WFDC13: variants seen among roughly 807,000 people sequenced by gnomAD.
WFDC13 encodes WAP four-disulfide core domain protein 13.
A neutral mutation model predicts 10.9 loss-of-function variants in WFDC13; 6 were observed. The observed-to-expected ratio is 0.55, with a 90% CI of 0.30 to 1.09. The LOEUF is 1.09. WFDC13 is among the 50% of genes least tolerant of loss of function. The probability of loss-of-function intolerance (pLI) is 0.06; values close to 1 mark genes in which losing one functional copy is unlikely to be tolerated. For missense variants in WFDC13, 104 were observed against 109.6 expected (o/e 0.95, Z 0.23); for synonymous variants, 38 against 39.5 (o/e 0.96, Z 0.14).
chr20:45,705,901 A>G lies in WFDC13; in HGVS notation c.278A>G (p.Asn93Ser), dbSNP rs767912342. 6 of 1,614,080 alleles carry G rather than the reference A, an allele frequency of 3.7e-6. No individual in the cohort carries two copies. The highest frequency in any genetic ancestry group is 5.1e-6 in the Non-Finnish European group (6 of 1,179,986). The part of the protein sequence containing the change: ...HKGSEVIMPA[N>S] ...GGCTCAGAAGTCATCATGCCTGCCA[A>G]CTGAGGCATATTTCCTAGATCATTT... is the stretch of plus-strand genomic sequence containing the variant. The change falls in exon 3 of 4, where the codon AAC becomes AGC. Residue 93 changes from asparagine to serine, a missense_variant. Physicochemically the swap from Asn to Ser is conservative, Grantham distance 46. Coordinates refer to ENST00000305479, the MANE Select transcript of WFDC13 (RefSeq NM_172005.2).
intron 2 of WFDC13, chr20:45,705,020 G>A: frequency 1.9e-6 from 3 of 1,610,152 alleles, no homozygotes; most frequent in African/African-American, 1.3e-5. Context: ...CTTGGGCTCT[G>A]GAGATCCAGC....
chr20:45,702,276 T>C, intron 1 of WFDC13, 65 bp downstream of exon 1: 2 of 1,488,122 alleles, frequency 1.3e-6, no homozygotes, highest in Non-Finnish European at 1.8e-6. Flanking sequence ...ATCTGAGGGC[T>C]GACAGTCTGT....
intron 2 of WFDC13, 44 bp downstream of exon 2, chr20:45,704,638 TG>T: frequency 6.2e-7 from 1 of 1,604,798 alleles, no homozygotes; most frequent in Non-Finnish European, 8.5e-7. Context: ...GAGCTGCTGG[TG>T]GGAGCCCAGC....
rs756967594 is a variant in WFDC13, at chr20:45,702,087, C to T, written c.-37C>T. On this transcript the variant is annotated 5_prime_UTR_variant, in exon 1 of 4. Transcript: ENST00000305479. The stretch of plus-strand genomic sequence containing the variant: ...GCAGTGCCTGGTCAAACCCAGCAAC[C>T]CTTGGCCAGAACTTACTCACCCATC... 8.1e-6 allele frequency: 13 copies of T among 1,597,228 alleles called. No homozygotes were observed. Among genetic ancestry groups the T allele is most frequent in the Non-Finnish European group, 3.4e-6 (4 of 1,170,552 alleles).
In WFDC13 at chr20:45,704,576, C is replaced by T. The variant is rs762210563; in HGVS notation, c.221C>T (p.Thr74Ile). 16 of 1,613,934 alleles carry T rather than the reference C, an allele frequency of 9.9e-6. No homozygotes were observed. The African/African-American group carries it at 2.0e-4, about 20-fold the overall frequency. ...SFCGIVCSSE[T>I]FQKRNRIKHK... ...TGTGGGATAGTCTGTTCATCAGAAA[C>T]ATTTCAAAAGCGCAACAGGTAAGAG... Residue 74 changes from threonine (T) to isoleucine (I), a missense_variant, in exon 2 of 4, where the codon ACA becomes ATA. Coordinates refer to ENST00000305479, the MANE Select transcript of WFDC13 (RefSeq NM_172005.2).
chr20:45,704,728 C>A, intron 2 of WFDC13, 134 bp downstream of exon 2: 1 of 1,416,358 alleles, frequency 7.1e-7, no homozygotes, highest in Non-Finnish European at 9.5e-7. Flanking sequence ...GCCAACATGC[C>A]CCTTCTCTTG....
Position 45,703,843 on chromosome 20 carries a change from C to T in WFDC13, c.89-601C>T, listed in dbSNP as rs187766142. Among the ~76,000 whole-genome samples, 205 of 152,288 alleles carry T rather than the reference C, an allele frequency of 1.3e-3. 4 individuals carry two copies. The highest frequency in any genetic ancestry group is 4.4e-4 in the Non-Finnish European group (30 of 68,026). Reference sequence around the variant, plus strand: ...GGAAGAAAAAAGCTGAATCTTTGAACGCCATTCTGAAATCCCCACCCTTCT... The same window carrying T: ...GGAAGAAAAAAGCTGAATCTTTGAATGCCATTCTGAAATCCCCACCCTTCT... On this transcript the variant is annotated intron_variant, in intron 1 of 3. Transcript: ENST00000305479.
Position 45,704,588 on chromosome 20 carries a change from G to A in WFDC13, c.233G>A (p.Arg78His), listed in dbSNP as rs142436120. The A allele has an allele frequency of 1.4e-3, 2,310 of 1,613,864 alleles. 7 individuals carry two copies. The highest frequency in any genetic ancestry group is 6.6e-3 in the African/African-American group (497 of 74,962). Residue 78 changes from arginine to histidine, a missense_variant, in exon 2 of 4, where the codon CGC becomes CAC. Transcript: ENST00000305479. ...IVCSSETFQK[R>H]NRIKHKGSEV... is the part of the protein sequence containing the mutation. Reference sequence around the variant, plus strand: ...TGTTCATCAGAAACATTTCAAAAGCGCAACAGGTAAGAGATATCTCATATC... The same window carrying A: ...TGTTCATCAGAAACATTTCAAAAGCACAACAGGTAAGAGATATCTCATATC...
intron 1 of WFDC13, among the ~76,000 whole-genome samples, chr20:45,703,997 C>T (rs1343595161): frequency 6.6e-6 from 1 of 152,176 alleles, no homozygotes; most frequent in Admixed American, 6.5e-5. Flanking sequence ...TCTTCCTGTA[C>T]ACAAATAACC....
Position 45,705,910 on chromosome 20 carries a change from T to C in WFDC13, c.*5T>C, listed in dbSNP as rs764213682. ...GTCATCATGCCTGCCAACTGAGGCATATTTCCTAGATCATTTTGTAAGTAC... is the reference window on the plus strand; with the variant it reads ...GTCATCATGCCTGCCAACTGAGGCACATTTCCTAGATCATTTTGTAAGTAC... On this transcript the variant is annotated 3_prime_UTR_variant, in exon 3 of 4. Coordinates refer to ENST00000305479, the MANE Select transcript of WFDC13 (RefSeq NM_172005.2). The C allele has an allele frequency of 1.2e-6, 2 of 1,614,014 alleles. No individual in the cohort carries two copies. The highest frequency in any genetic ancestry group is 1.7e-5 in the Admixed American group (1 of 60,014).
At chr20:45,703,712 G>T (rs1268508731) in intron 1 of WFDC13, among the ~76,000 whole-genome samples, 1 of 152,128 alleles carries the variant, frequency 6.6e-6, no homozygotes, top group African/African-American at 2.4e-5. Context: ...TGAAATACTT[G>T]GGGGTAGGGG....
In WFDC13 at chr20:45,702,171, A is replaced by G. The variant is rs760060904; in HGVS notation, c.48A>G (p.Ala16=). Residue 16 remains alanine (A), a synonymous_variant, in exon 1 of 4, where the codon GCA becomes GCG. Transcript: ENST00000305479. ...PLQFLVVFCL[A]LQLVPGSPKQ... Reference sequence around the variant, plus strand: ...AGTTCCTGGTGGTGTTCTGCCTAGCACTGCAGCTGGTGCCTGGGAGTCCCA... The same window carrying G: ...AGTTCCTGGTGGTGTTCTGCCTAGCGCTGCAGCTGGTGCCTGGGAGTCCCA... 22 of 1,613,296 alleles carry G rather than the reference A, an allele frequency of 1.4e-5. No individual in the cohort carries two copies. Among genetic ancestry groups the G allele is most frequent in the Admixed American group, 1.2e-4 (7 of 59,914 alleles).
Position 45,706,737 on chromosome 20 carries a change from A to G in WFDC13, c.*22+810A>G, listed in dbSNP as rs1984406788. On this transcript the variant is annotated intron_variant, in intron 3 of 3. Coordinates refer to ENST00000305479, the MANE Select transcript of WFDC13 (RefSeq NM_172005.2). ...CAGTGAGCCAAGAGTGCACCATTGC[A>G]CTCCAGCCTGGGCGACAGAGTGAGA... is the stretch of plus-strand genomic sequence containing the variant. 2.7e-5 allele frequency among the ~76,000 whole-genome samples: 4 copies of G among 146,322 alleles called. No homozygotes were observed. The South Asian group carries it at 8.6e-4, about 32-fold the overall frequency.
Position 45,708,075 on chromosome 20 carries a change from C to G in WFDC13, c.*240C>G, listed in dbSNP as rs759069662. On this transcript the variant is annotated 3_prime_UTR_variant, in exon 4 of 4. Transcript: ENST00000305479. Reference sequence around the variant, plus strand: ...TGGGATGAGGAGAGGAATCAGAAACCCCACTTTGGCATAGAGACAAGCAGC... The same window carrying G: ...TGGGATGAGGAGAGGAATCAGAAACGCCACTTTGGCATAGAGACAAGCAGC... The G allele has an allele frequency of 1.3e-5, 2 of 152,168 alleles. No homozygotes were observed. Among genetic ancestry groups the G allele is most frequent in the African/African-American group, 2.4e-5 (1 of 41,432 alleles). 9.4% of individuals were successfully genotyped at this position (152,168 alleles called of 1,614,324 possible). A position where few individuals can be genotyped will look rare whatever the true frequency, so the allele number is the denominator to read the frequency against.
chr20:45,702,229 G>A lies in WFDC13; in HGVS notation c.88+18G>A, dbSNP rs780929853. 1 of 1,605,220 alleles carries A rather than the reference G, an allele frequency of 6.2e-7. No homozygotes were observed. On this transcript the variant is annotated intron_variant, in intron 1 of 3. Transcript: ENST00000305479. The stretch of plus-strand genomic sequence containing the variant: ...TGTTCTGAGTAGGTGCTGGATCTGG[G>A]CCCAAGGAGGGAAGTAACATGTGTG...
At chr20:45,707,283 T>C (rs1270274754) in intron 3 of WFDC13, among the ~76,000 whole-genome samples, 1 of 152,200 alleles carries the variant, frequency 6.6e-6, no homozygotes, top group African/African-American at 2.4e-5. Flanking sequence ...GGAAATACTG[T>C]TCAGAAAAAT....
intron 2 of WFDC13, among the ~76,000 whole-genome samples, chr20:45,705,633 GA>G (rs1984360416): frequency 6.6e-6 from 1 of 152,218 alleles, no homozygotes; most frequent in African/African-American, 2.4e-5. Context: ...TCTTTGAAGA[GA>G]CTAGCCCTTG....
intron 2 of WFDC13, 133 bp from the exon 3 acceptor site, chr20:45,705,730 T>C: frequency 1.3e-6 from 1 of 765,500 alleles, no homozygotes; most frequent in Non-Finnish European, 2.1e-6. Context: ...TTTTTTGAGG[T>C]TCTGCCTTCC....
At position 45,704,881 on chromosome 20, in the gene WFDC13, C is replaced by T. The variant is rs192220970; in HGVS notation, c.239+287C>T. ...ATGCCTTTATCCACAGACCTTCCCC[C>T]GACCCAGAATCCACCCTTATCCCAG... On this transcript the variant is annotated intron_variant, in intron 2 of 3. Coordinates refer to ENST00000305479, the MANE Select transcript of WFDC13 (RefSeq NM_172005.2). 5.0e-4 allele frequency: 805 copies of T among 1,605,146 alleles called. 3 individuals carry two copies. The African/African-American group carries it at 9.1e-3, about 18-fold the overall frequency.
Sources: gnomAD v4.1 joint callset for allele counts (sites outside exome capture counted in the v4.1 genomes callset) on GRCh38, gnomAD v4.1.1 for gene constraint, MANE v1.5 for transcripts, NCBI Gene and HGNC (gene_info 2026-07-23, HGNC 2026-07-21) for gene names.